The following RIMS2 variants were observed in gnomAD, a reference collection of about 807,000 sequenced individuals.
The protein encoded by RIMS2 is regulating synaptic membrane exocytosis protein 2.
RIMS2 carries 59 observed loss-of-function variants against 174.4 expected under a neutral mutation model. The observed-to-expected ratio is 0.34, with a 90% CI of 0.27 to 0.42. The LOEUF (loss-of-function observed/expected upper bound fraction) is 0.42, where lower values mean the gene tolerates loss of function less well. RIMS2 is among the 10% of genes least tolerant of loss of function. RIMS2 has a pLI of 1.00. For synonymous variants in RIMS2, 606 were observed against 572.5 expected (o/e 1.06, Z -0.84); for missense variants, 1,620 against 1,666.3 (o/e 0.97, Z 0.48).
chr8:103,840,995 T>A (rs898678296), intron 3 of RIMS2, among the ~76,000 whole-genome samples: 3 of 152,174 alleles, frequency 2.0e-5, no homozygotes, highest in African/African-American at 7.2e-5. Context: ...GGCTTTGAAA[T>A]AGGCAGGAAT....
At chr8:104,173,613 A>ATTTTTTTTTTTTTTTT (rs71297262) in intron 19 of RIMS2, among the ~76,000 whole-genome samples, 2 of 54,236 alleles carry the variant, frequency 3.7e-5, no homozygotes, top group African/African-American at 8.6e-5. Flanking sequence ...AGCTCTTCTG[A>ATTTTTTTTTTTTTTTT]TTTTTTTTTT....
At chr8:103,843,249 G>A (rs533437501) in intron 3 of RIMS2, among the ~76,000 whole-genome samples, 5 of 152,242 alleles carry the variant, frequency 3.3e-5, no homozygotes, top group South Asian at 2.1e-4. Flanking sequence ...TCTCTAGTTC[G>A]TAACCCCAAC....
chr8:103,820,309 C>T (rs1431706391), intron 3 of RIMS2, among the ~76,000 whole-genome samples: 1 of 151,944 alleles, frequency 6.6e-6, no homozygotes, highest in Non-Finnish European at 1.5e-5. Context: ...GTTTTATCAT[C>T]CAGTTCTTTC....
chr8:103,876,973 G>A (rs570103348), intron 3 of RIMS2, among the ~76,000 whole-genome samples: 2 of 142,696 alleles, frequency 1.4e-5, no homozygotes, highest in Non-Finnish European at 3.0e-5. Flanking sequence ...TGGGCATTTG[G>A]GCTGGTTCCA....
At chr8:104,053,321 C>G (rs1372116487) in intron 19 of RIMS2, among the ~76,000 whole-genome samples, 2 of 152,068 alleles carry the variant, frequency 1.3e-5, no homozygotes, top group African/African-American at 4.8e-5. Context: ...TTGAATGAAC[C>G]CAGATGCTCA....
At chr8:104,218,287 C>T (rs189267122) in intron 19 of RIMS2, among the ~76,000 whole-genome samples, 43 of 152,288 alleles carry the variant, frequency 2.8e-4, no homozygotes, top group African/African-American at 9.4e-4. Flanking sequence ...CACTTCTGAG[C>T]CTTACTGCTT....
At chr8:103,885,696 G>C in exon 4 of RIMS2, 1 of 1,613,114 alleles carries the variant, frequency 6.2e-7, no homozygotes, top group Non-Finnish European at 8.5e-7. Flanking sequence ...CGGCATGAGA[G>C]AAGGCATAGT....
At chr8:104,117,385 A>G (rs2098295535) in intron 19 of RIMS2, among the ~76,000 whole-genome samples, 1 of 151,744 alleles carries the variant, frequency 6.6e-6, no homozygotes, top group Admixed American at 6.6e-5. Context: ...TTTGAAATAA[A>G]TTTCCTTTTT....
intron 2 of RIMS2, among the ~76,000 whole-genome samples, chr8:103,755,233 C>G (rs980736121): frequency 1.3e-5 from 2 of 152,164 alleles, no homozygotes; most frequent in African/African-American, 2.4e-5. Flanking sequence ...AGAATCTTTT[C>G]TTTATGAATG....
chr8:103,656,278 A>C lies in RIMS2; in HGVS notation c.177-40808A>C, dbSNP rs369928447. On this transcript the variant is annotated intron_variant, in intron 1 of 23. Coordinates refer to ENST00000504942, the Ensembl canonical transcript of RIMS2. ...GTTGGAGGTATAAACTAAAACTTAC[A>C]TTTTGAACTTTTAAAATTTAAGATG... Among the ~76,000 whole-genome samples, 23 of 152,256 alleles carry C rather than the reference A, an allele frequency of 1.5e-4. No individual in the cohort carries two copies. In the South Asian group the frequency reaches 4.6e-3, roughly 30 times the overall value.
chr8:103,583,882 T>C (rs1213579287), intron 1 of RIMS2, among the ~76,000 whole-genome samples: 3 of 151,980 alleles, frequency 2.0e-5, no homozygotes, highest in African/African-American at 7.3e-5. Context: ...TCAACATATA[T>C]CACGTGAGTG....
At chr8:103,678,006 G>A (rs1184892575) in intron 1 of RIMS2, among the ~76,000 whole-genome samples, 1 of 152,104 alleles carries the variant, frequency 6.6e-6, no homozygotes, top group African/African-American at 2.4e-5. Context: ...ATCCATTTAG[G>A]TTACAGTTCA....
chr8:104,003,166 G>A (rs1185283693), intron 17 of RIMS2, among the ~76,000 whole-genome samples: 4 of 152,066 alleles, frequency 2.6e-5, no homozygotes, highest in Admixed American at 2.6e-4. Flanking sequence ...CATCTATGGT[G>A]GGCAGCTAGA....
chr8:103,855,307 G>C (rs1251676951), intron 3 of RIMS2, among the ~76,000 whole-genome samples: 1 of 150,914 alleles, frequency 6.6e-6, no homozygotes, highest in Admixed American at 6.6e-5. Context: ...ACAAACTCTT[G>C]GTTTCATTGA....
At chr8:103,513,912 G>A (rs1398552479) in intron 1 of RIMS2, among the ~76,000 whole-genome samples, 3 of 152,070 alleles carry the variant, frequency 2.0e-5, no homozygotes, top group African/African-American at 7.2e-5. Flanking sequence ...TTTGAATTTT[G>A]ATTTAAAACA....
chr8:103,574,933 C>T (rs28473392), intron 1 of RIMS2, among the ~76,000 whole-genome samples: 1,766 of 152,200 alleles, frequency 0.012, 32 homozygotes, highest in African/African-American at 0.039. Flanking sequence ...ACAATGAATG[C>T]CTGTGATAGC....
At chr8:103,819,179 T>A in intron 3 of RIMS2, 1 of 1,111,096 alleles carries the variant, frequency 9.0e-7, no homozygotes, top group African/African-American at 1.7e-5. Flanking sequence ...TTAATAGGCT[T>A]AGAGAAATAT....
At chr8:103,607,915 A>G (rs1039272807) in intron 1 of RIMS2, among the ~76,000 whole-genome samples, 1 of 139,274 alleles carries the variant, frequency 7.2e-6, no homozygotes, top group East Asian at 2.0e-4. Context: ...AATTTTTTTC[A>G]AAGTTTTCAA....
chr8:103,501,610 G>C (rs897702979), intron 1 of RIMS2: 1 of 153,044 alleles, frequency 6.5e-6, no homozygotes, highest in African/African-American at 2.4e-5. Flanking sequence ...GCGGCGGCGC[G>C]GGCTAGGGGC....
Sources: allele counts gnomAD v4.1 joint callset (sites outside exome capture counted in the v4.1 genomes callset), GRCh38; gene constraint gnomAD v4.1.1; transcripts MANE v1.5; gene names NCBI Gene and HGNC (gene_info 2026-07-23, HGNC 2026-07-21).